The following GRIK2 variants were observed in gnomAD, a reference collection of about 807,000 sequenced individuals.
GRIK2 encodes glutamate receptor ionotropic, kainate 2.
A neutral mutation model predicts 100.3 loss-of-function variants in GRIK2; 32 were observed. That is an observed-to-expected ratio of 0.32 (90% CI 0.24 to 0.43). GRIK2 has a LOEUF of 0.43. Ranked by LOEUF, GRIK2 falls within the 20% of genes least tolerant of loss-of-function variation. GRIK2 has a pLI of 1.00. For synonymous variants in GRIK2, 417 were observed against 389.4 expected (o/e 1.07, Z -0.83); for missense variants, 843 against 1,114.9 (o/e 0.76, Z 3.47).
intron 2 of GRIK2, among the ~76,000 whole-genome samples, chr6:101,606,401 T>G (rs1242400365): frequency 6.6e-6 from 1 of 152,012 alleles, no homozygotes; most frequent in Non-Finnish European, 1.5e-5. Context: ...CTCATTCATT[T>G]CCATGAATAT....
At chr6:101,449,246 ATCTC>A (rs1770538364) in intron 2 of GRIK2, among the ~76,000 whole-genome samples, 1 of 151,704 alleles carries the variant, frequency 6.6e-6, no homozygotes, top group Non-Finnish European at 1.5e-5. Context: ...ATTAACAAGT[ATCTC>A]TCTCATTTGT....
chr6:101,567,971 G>A (rs1200189411), intron 2 of GRIK2, among the ~76,000 whole-genome samples: 4 of 151,822 alleles, frequency 2.6e-5, no homozygotes, highest in Non-Finnish European at 5.9e-5. Flanking sequence ...CAAATATTTA[G>A]ATGTAAAGCA....
intron 11 of GRIK2, among the ~76,000 whole-genome samples, chr6:101,881,307 G>A (rs1441913810): frequency 6.6e-6 from 1 of 151,488 alleles, no homozygotes; most frequent in Non-Finnish European, 1.5e-5. Context: ...ATTATCTTTG[G>A]CAGAATAACT....
At chr6:101,501,410 A>AT (rs1238041721) in intron 2 of GRIK2, among the ~76,000 whole-genome samples, 3 of 152,282 alleles carry the variant, frequency 2.0e-5, no homozygotes, top group South Asian at 4.1e-4. Context: ...TATAGTAAAC[A>AT]TTTTTTTGTC....
intron 2 of GRIK2, among the ~76,000 whole-genome samples, chr6:101,400,125 G>A (rs1487274002): frequency 7.0e-6 from 1 of 142,048 alleles, no homozygotes; most frequent in Non-Finnish European, 1.5e-5. Context: ...AATTAATGAA[G>A]GATAGTATCT....
Position 101,928,407 on chromosome 6 carries a change from T to C in GRIK2, c.1868-8T>C, listed in dbSNP as rs1432280639. ...TATTCGTTTCACCTTTCCCCCACTC[T>C]CTGTTAGGTTCTGAGCTCATGCCCA... On this transcript the variant is annotated splice_region_variant and splice_polypyrimidine_tract_variant and intron_variant, in intron 13 of 16. Transcript: ENST00000369134. 2.7e-6 allele frequency: 4 copies of C among 1,463,326 alleles called. No homozygotes were observed. In the Admixed American group the frequency reaches 6.7e-5, roughly 24 times the overall value. The allele number at this position is 1,463,326 out of a possible 1,614,324, so 90.6% of individuals were successfully genotyped here.
chr6:101,999,281 C>T (rs1794809078), intron 14 of GRIK2, among the ~76,000 whole-genome samples: 1 of 152,000 alleles, frequency 6.6e-6, no homozygotes, highest in Non-Finnish European at 1.5e-5. Flanking sequence ...AAAATACTTG[C>T]TGAAAATTTC....
rs534879718 is a variant in GRIK2, at chr6:101,874,832, C to T, written c.1525-14808C>T. Among the ~76,000 whole-genome samples, 13 of 152,114 alleles carry T rather than the reference C, an allele frequency of 8.5e-5. No individual in the cohort carries two copies. The South Asian group carries it at 1.2e-3, about 15-fold the overall frequency. On this transcript the variant is annotated intron_variant, in intron 11 of 16. Transcript: ENST00000369134. ...CTTCACGTTCCTTGTAAGTTGGATT[C>T]CTCAGTATTTTATTCTCTTAGAAGC...
intron 15 of GRIK2, among the ~76,000 whole-genome samples, chr6:102,046,987 G>A (rs1770920694): frequency 6.6e-6 from 1 of 152,140 alleles, no homozygotes; most frequent in Non-Finnish European, 1.5e-5. Context: ...AAAATCAAAA[G>A]GAGTGTTAAA....
At chr6:101,623,048 T>C (rs1412216242) in intron 3 of GRIK2, among the ~76,000 whole-genome samples, 1 of 152,072 alleles carries the variant, frequency 6.6e-6, no homozygotes, top group Non-Finnish European at 1.5e-5. Flanking sequence ...TTATAAAGTG[T>C]TTGTTCTAAC....
chr6:101,969,265 T>C (rs1375819484), intron 14 of GRIK2, among the ~76,000 whole-genome samples: 1 of 151,994 alleles, frequency 6.6e-6, no homozygotes, highest in Non-Finnish European at 1.5e-5. Context: ...TGAAGAAGAA[T>C]GTAACACTTT....
chr6:101,665,382 C>T (rs185476934), intron 4 of GRIK2, among the ~76,000 whole-genome samples: 10 of 152,312 alleles, frequency 6.6e-5, no homozygotes, highest in Non-Finnish European at 1.3e-4. Flanking sequence ...ATCACAGTAA[C>T]TCCCTCCACC....
intron 14 of GRIK2, among the ~76,000 whole-genome samples, chr6:101,944,723 C>A (rs934598063): frequency 6.6e-6 from 1 of 151,748 alleles, no homozygotes; most frequent in Admixed American, 6.6e-5. Flanking sequence ...TGTAATAATT[C>A]ATTATAATAG....
chr6:101,429,705 C>T (rs1223229039), intron 2 of GRIK2, among the ~76,000 whole-genome samples: 1 of 151,492 alleles, frequency 6.6e-6, no homozygotes, highest in African/African-American at 2.4e-5. Context: ...TTCTTTTTTT[C>T]CAATTATAGC....
chr6:101,882,168 C>T (rs924659944), intron 11 of GRIK2, among the ~76,000 whole-genome samples: 7 of 152,126 alleles, frequency 4.6e-5, no homozygotes, highest in Admixed American at 4.6e-4. Context: ...CTGGGTCCCT[C>T]CCACAACACC....
At chr6:101,593,460 A>G (rs549801577) in intron 2 of GRIK2, among the ~76,000 whole-genome samples, 22 of 152,080 alleles carry the variant, frequency 1.4e-4, no homozygotes, top group Non-Finnish European at 2.1e-4. Context: ...TCTTTCAAAC[A>G]TACCATGAGC....
intron 12 of GRIK2, among the ~76,000 whole-genome samples, chr6:101,909,158 T>C (rs1371761788): frequency 1.3e-5 from 2 of 151,160 alleles, no homozygotes; most frequent in African/African-American, 4.8e-5. Flanking sequence ...ATAAAAATAA[T>C]TGACCTCATA....
chr6:102,051,246 T>TCCCC (rs1771165836), intron 15 of GRIK2, among the ~76,000 whole-genome samples: 1 of 144,426 alleles, frequency 6.9e-6, no homozygotes, highest in Non-Finnish European at 1.5e-5. Flanking sequence ...CCTGCTTCCC[T>TCCCC]CCCTCCCTTC....
chr6:101,687,623 G>A (rs1361272924), intron 7 of GRIK2, among the ~76,000 whole-genome samples: 1 of 151,852 alleles, frequency 6.6e-6, no homozygotes, highest in Non-Finnish European at 1.5e-5. Context: ...CTATGAAGAA[G>A]AAATGGTTAG....
Sources: allele counts gnomAD v4.1 joint callset (sites outside exome capture counted in the v4.1 genomes callset), GRCh38; gene constraint gnomAD v4.1.1; transcripts MANE v1.5; gene names NCBI Gene and HGNC (gene_info 2026-07-23, HGNC 2026-07-21).